FYB1: variants seen among roughly 807,000 people sequenced by gnomAD.
FYB1 encodes FYN binding protein 1, also known as FYN-binding protein 1.
Under a neutral mutation model 94.1 loss-of-function variants are expected in FYB1, and 41 were observed. The ratio of observed to expected loss-of-function variants is 0.44; its 90% CI spans 0.34 to 0.57. FYB1 has a LOEUF of 0.57. FYB1 is among the 20% of genes least tolerant of loss of function. The pLI, the probability that FYB1 is intolerant of heterozygous loss-of-function variation, is 0.02. For synonymous variants in FYB1, 367 were observed against 353.2 expected, an observed-to-expected ratio of 1.04 and a Z score of -0.44; for missense variants, 1,050 against 976.8, an observed-to-expected ratio of 1.07 and a Z score of -1.00.
chr5:39,122,134 G>A (rs1740177109), intron 14 of FYB1, among the ~76,000 whole-genome samples: 1 of 152,026 alleles, frequency 6.6e-6, no homozygotes, highest in Non-Finnish European at 1.5e-5. Flanking sequence ...GGAGGTGGGG[G>A]CAAAGGATTT....
intron 3 of FYB1, among the ~76,000 whole-genome samples, chr5:39,150,286 T>G (rs1462069531): frequency 6.6e-6 from 1 of 152,196 alleles, no homozygotes; most frequent in Non-Finnish European, 1.5e-5. Context: ...TCTGTTTTAA[T>G]CTTTACAGGA....
intron 1 of FYB1, among the ~76,000 whole-genome samples, chr5:39,259,754 G>A (rs1360610286): frequency 6.6e-6 from 1 of 152,050 alleles, no homozygotes; most frequent in Non-Finnish European, 1.5e-5. Flanking sequence ...ACAAAAACAT[G>A]CACATATTAG....
chr5:39,210,835 A>G (rs894680174), intron 1 of FYB1, among the ~76,000 whole-genome samples: 1 of 152,170 alleles, frequency 6.6e-6, no homozygotes, highest in African/African-American at 2.4e-5. Context: ...ACGTGGCGAG[A>G]GCCTGTCTCT....
chr5:39,248,172 C>T (rs1354713891), intron 1 of FYB1, among the ~76,000 whole-genome samples: 1 of 152,138 alleles, frequency 6.6e-6, no homozygotes, highest in East Asian at 1.9e-4. Flanking sequence ...TTGAATATAA[C>T]ATTAATTACT....
At chr5:39,160,707 G>A (rs1485543648) in intron 2 of FYB1, among the ~76,000 whole-genome samples, 3 of 152,140 alleles carry the variant, frequency 2.0e-5, no homozygotes, top group African/African-American at 7.2e-5. Flanking sequence ...CTCTTAACTT[G>A]CAGGGCTGCT....
At chr5:39,259,459 G>T (rs1029899699) in intron 1 of FYB1, among the ~76,000 whole-genome samples, 2 of 152,142 alleles carry the variant, frequency 1.3e-5, no homozygotes, top group Non-Finnish European at 2.9e-5. Flanking sequence ...AGGAAGAAGT[G>T]GTACAGGTAA....
At chr5:39,185,877 A>G (rs1019758853) in intron 2 of FYB1, among the ~76,000 whole-genome samples, 1 of 152,058 alleles carries the variant, frequency 6.6e-6, no homozygotes, top group African/African-American at 2.4e-5. Flanking sequence ...ACTTGAGGGT[A>G]TGAAGCAGGG....
chr5:39,167,169 G>C (rs1175140604), intron 2 of FYB1, among the ~76,000 whole-genome samples: 1 of 152,152 alleles, frequency 6.6e-6, no homozygotes, highest in Admixed American at 6.5e-5. Flanking sequence ...CCACAAAGAA[G>C]TAGTGGGGCA....
At chr5:39,151,803 A>C (rs1246514132) in intron 3 of FYB1, among the ~76,000 whole-genome samples, 1 of 152,206 alleles carries the variant, frequency 6.6e-6, no homozygotes, top group Non-Finnish European at 1.5e-5. Context: ...GGCAGAGGGA[A>C]TGTTTGGGAA....
intron 2 of FYB1, among the ~76,000 whole-genome samples, chr5:39,190,048 C>T (rs1747220575): frequency 6.6e-6 from 1 of 152,206 alleles, no homozygotes. Context: ...TTGGAACTAA[C>T]TTTGTCCTGA....
intron 2 of FYB1, among the ~76,000 whole-genome samples, chr5:39,183,632 T>G (rs1414443111): frequency 3.9e-5 from 6 of 152,196 alleles, no homozygotes; most frequent in Non-Finnish European, 8.8e-5. Context: ...ATTCTTCCAT[T>G]CCTACTCTCT....
rs1741475451 is a variant in FYB1, at chr5:39,134,426, C to A, written c.1676-77G>T. 4 of 1,212,250 alleles carry A rather than the reference C, an allele frequency of 3.3e-6. No individual in the cohort carries two copies. In the African/African-American group the frequency reaches 4.6e-5, roughly 14 times the overall value. 75.1% of individuals were successfully genotyped at this position (1,212,250 alleles called of 1,614,324 possible). Reference sequence around the variant, plus strand: ...AAAGTTGTGAATAAAATATCAATTGCACATTTGCTCTTTAAACTTTCCCCT... The same window carrying A: ...AAAGTTGTGAATAAAATATCAATTGAACATTTGCTCTTTAAACTTTCCCCT... On this transcript the variant is annotated intron_variant, in intron 8 of 18. Transcript: ENST00000512982.
At chr5:39,228,750 T>C (rs1750591622) in intron 1 of FYB1, among the ~76,000 whole-genome samples, 1 of 152,312 alleles carries the variant, frequency 6.6e-6, no homozygotes, top group Admixed American at 6.5e-5. Context: ...ACTTCTTATA[T>C]ATGAACTTCC....
At chr5:39,138,126 A>G (rs946687179) in intron 6 of FYB1, 1 of 188,200 alleles carries the variant, frequency 5.3e-6, no homozygotes, top group Admixed American at 5.4e-5. Flanking sequence ...CACTGGGTAG[A>G]GAAAATTAAG....
chr5:39,194,715 G>A (rs1462666598), intron 2 of FYB1, among the ~76,000 whole-genome samples: 4 of 152,166 alleles, frequency 2.6e-5, no homozygotes, highest in Non-Finnish European at 4.4e-5. Context: ...AATAGGGGTA[G>A]TTCGTAAAAT....
intron 1 of FYB1, among the ~76,000 whole-genome samples, chr5:39,272,587 G>A (rs1055436807): frequency 1.3e-5 from 2 of 150,168 alleles, no homozygotes; most frequent in African/African-American, 4.9e-5. Context: ...CAGGAGAATG[G>A]CATGAACCCG....
intron 2 of FYB1, among the ~76,000 whole-genome samples, chr5:39,187,633 G>C (rs1436136017): frequency 6.6e-6 from 1 of 152,174 alleles, no homozygotes; most frequent in Non-Finnish European, 1.5e-5. Context: ...TGGGCAGGTG[G>C]GAAGGGGTAT....
intron 13 of FYB1, among the ~76,000 whole-genome samples, chr5:39,122,817 T>A (rs1180537340): frequency 6.6e-6 from 1 of 152,098 alleles, no homozygotes; most frequent in Admixed American, 6.6e-5. Flanking sequence ...ATAATATATA[T>A]CATCCTATTT....
chr5:39,239,520 C>T (rs747832964), intron 1 of FYB1, among the ~76,000 whole-genome samples: 2 of 152,024 alleles, frequency 1.3e-5, no homozygotes, highest in Non-Finnish European at 2.9e-5. Context: ...CCAACAACAT[C>T]TAAGCTGAGA....
Sources: allele counts gnomAD v4.1 joint callset (sites outside exome capture counted in the v4.1 genomes callset), GRCh38; gene constraint gnomAD v4.1.1; transcripts MANE v1.5; gene names NCBI Gene and HGNC (gene_info 2026-07-23, HGNC 2026-07-21).